MAPKBP1: variants seen among roughly 807,000 people sequenced by gnomAD.
MAPKBP1 encodes the protein mitogen-activated protein kinase binding protein 1.
MAPKBP1 carries 71 observed loss-of-function variants against 170.5 expected under a neutral mutation model. The ratio of observed to expected loss-of-function variants is 0.42; its 90% CI spans 0.34 to 0.51. MAPKBP1 has a LOEUF of 0.51. Among genes scored for constraint, MAPKBP1 ranks in the 20% least tolerant of loss-of-function variants. MAPKBP1 has a pLI of 0.06. For missense variants in MAPKBP1, 1,598 were observed against 1,933.0 expected, an observed-to-expected ratio of 0.83 and a Z score of 3.25; for synonymous variants, 719 against 757.9, an observed-to-expected ratio of 0.95 and a Z score of 0.84.
chr15:41,823,143 G>C lies in MAPKBP1; in HGVS notation c.3519G>C (p.Trp1173Cys), dbSNP rs1188607785. ...GCCGTCTCAACCCTGACAGCAGCTG[G>C]GCTCCCAAGAGAGTGGCCACAGCCA... ...PRCRLNPDSS[W>C]APKRVATASP... Residue 1173 changes from tryptophan (W) to cysteine (C), a missense_variant, in exon 28 of 31, where the codon TGG becomes TGC. Physicochemically the swap from Trp to Cys is radical, Grantham distance 215. Around this residue, in one of 6 missense-constraint regions of MAPKBP1, gnomAD observed 942 missense variants for 953.2 expected, o/e 0.99. Coordinates refer to ENST00000457542, the MANE Select transcript of MAPKBP1 (RefSeq NM_014994.3). 3.1e-6 allele frequency: 5 copies of C among 1,613,568 alleles called. No individual in the cohort carries two copies. The Admixed American group carries it at 6.7e-5, about 22-fold the overall frequency.
chr15:41,815,851 G>T, intron 12 of MAPKBP1, 52 bp downstream of exon 12: 1 of 1,555,042 alleles, frequency 6.4e-7, no homozygotes, highest in Non-Finnish European at 8.8e-7. Context: ...TGCAGAGTTG[G>T]GTATTTAGAA....
intron 3 of MAPKBP1, among the ~76,000 whole-genome samples, chr15:41,810,325 C>T (rs2064779661): frequency 6.6e-6 from 1 of 152,090 alleles, no homozygotes; most frequent in South Asian, 2.1e-4. Flanking sequence ...AGGGGCCTGG[C>T]TGGGGGGACA....
chr15:41,827,299 C>CAA lies in MAPKBP1; in HGVS notation c.*1874_*1875dup, dbSNP rs11449239. On this transcript the variant is annotated 3_prime_UTR_variant, in exon 31 of 31. Transcript: ENST00000457542. ...TAGGTGACAAAGCTACACGCCATCT[C>CAA]AAAAAAAAAAAAGAAAAAGGGTTAC... is the stretch of plus-strand genomic sequence containing the variant. 73 of 142,664 alleles carry CAA rather than the reference C, an allele frequency of 5.1e-4. No homozygotes were observed. Among genetic ancestry groups the CAA allele is most frequent in the Middle Eastern group, 3.6e-3 (1 of 276 alleles). 8.8% of individuals were successfully genotyped at this position (142,664 alleles called of 1,614,324 possible).
In MAPKBP1 at chr15:41,821,077, G is replaced by C. The variant is rs912397899; in HGVS notation, c.2718+9G>C. On this transcript the variant is annotated intron_variant, in intron 23 of 30. Coordinates refer to ENST00000457542, the MANE Select transcript of MAPKBP1 (RefSeq NM_014994.3). ...CTTCACTCACTAGCCAGGTGAGCCT[G>C]CTTTCTCCCAGCTCTCTAGAGAGTT... 4 of 1,612,558 alleles carry C rather than the reference G, an allele frequency of 2.5e-6. No homozygotes were observed. The African/African-American group carries it at 5.3e-5, about 22-fold the overall frequency.
chr15:41,806,814 C>T (rs2064704798), intron 3 of MAPKBP1, among the ~76,000 whole-genome samples: 1 of 152,170 alleles, frequency 6.6e-6, no homozygotes. Context: ...CTGTGCCCCG[C>T]ACTCCTCTCC....
intron 2 of MAPKBP1, among the ~76,000 whole-genome samples, chr15:41,777,708 C>G (rs2064121166): frequency 6.6e-6 from 1 of 152,212 alleles, no homozygotes; most frequent in Non-Finnish European, 1.5e-5. Context: ...TGAGATTATT[C>G]TAAAAGCCTG....
At chr15:41,821,810 T>G in intron 24 of MAPKBP1, 60 bp downstream of exon 24, 1 of 1,601,032 alleles carries the variant, frequency 6.2e-7, no homozygotes, top group Non-Finnish European at 8.5e-7. Flanking sequence ...ATGAGTGTTC[T>G]TTAGTCGAGG....
At chr15:41,814,446 G>A in intron 9 of MAPKBP1, 104 bp from the exon 10 acceptor site, 1 of 1,138,860 alleles carries the variant, frequency 8.8e-7, no homozygotes. Flanking sequence ...TTCCAAACCT[G>A]CAGGTCCAGG....
rs767916656 is a variant in MAPKBP1, at chr15:41,811,187, C to T, written c.279C>T (p.Ile93=). ...GCCCCATCTCTTGCAGGAAAACCAT[C>T]ACTGCCCTTGCCTTCTCCCCTGATG... is the stretch of plus-strand genomic sequence containing the variant. ...HHILNSSRKT[I]TALAFSPDGK... The change falls in exon 5 of 31, where the codon ATC becomes ATT. Residue 93 remains isoleucine (I), a synonymous_variant. Transcript: ENST00000457542. 3.1e-6 allele frequency: 5 copies of T among 1,614,240 alleles called. No individual in the cohort carries two copies. The South Asian group carries it at 5.5e-5, about 18-fold the overall frequency.
At chr15:41,823,282 T>G in intron 28 of MAPKBP1, 60 bp downstream of exon 28, 3 of 1,574,574 alleles carry the variant, frequency 1.9e-6, no homozygotes, top group Non-Finnish European at 1.7e-6. Context: ...ATGTACATGC[T>G]GGAGGAGGGA....
In MAPKBP1 at chr15:41,823,518, G is replaced by A; in HGVS notation, c.3670G>A (p.Gly1224Ser). 2 of 1,614,142 alleles carry A rather than the reference G, an allele frequency of 1.2e-6. No homozygotes were observed. Among genetic ancestry groups the A allele is most frequent in the South Asian group, 1.1e-5 (1 of 91,088 alleles). The part of the protein sequence containing the change: ...LLSREIEAQD[G>S]LGSLPPADGR... ...GTCTCGGGAGATCGAAGCTCAGGAT[G>A]GTCTGGGCTCCCTGCCCCCAGCTGA... Residue 1224 changes from glycine (G) to serine (S), a missense_variant, in exon 29 of 31, where the codon GGT becomes AGT. Physicochemically the swap from Gly to Ser is moderately conservative, Grantham distance 56. Around this residue, in one of 6 missense-constraint regions of MAPKBP1, gnomAD observed 942 missense variants for 953.2 expected, o/e 0.99. Coordinates refer to ENST00000457542, the MANE Select transcript of MAPKBP1 (RefSeq NM_014994.3).
At chr15:41,799,747 G>C in intron 2 of MAPKBP1, 76 bp from the exon 3 acceptor site, 1 of 1,156,482 alleles carries the variant, frequency 8.6e-7, no homozygotes, top group Non-Finnish European at 1.3e-6. Context: ...GCCTCAGGAT[G>C]GTCCCAAGTA....
chr15:41,782,483 A>T (rs569741659), intron 2 of MAPKBP1, among the ~76,000 whole-genome samples: 2 of 152,284 alleles, frequency 1.3e-5, no homozygotes, highest in African/African-American at 4.8e-5. Context: ...TTTTACATAT[A>T]CTATCTTATT....
chr15:41,796,607 C>A (rs187852315), intron 2 of MAPKBP1, among the ~76,000 whole-genome samples: 4 of 152,138 alleles, frequency 2.6e-5, no homozygotes, highest in Admixed American at 2.6e-4. Context: ...ACTGCTTTTC[C>A]CCCCCCTTGG....
chr15:41,816,483 A>G, intron 12 of MAPKBP1, 76 bp from the exon 13 acceptor site: 1 of 978,310 alleles, frequency 1.0e-6, no homozygotes, highest in South Asian at 1.3e-5. Context: ...GGAGGAGAAA[A>G]TGTAGCAGAG....
intron 30 of MAPKBP1, 56 bp from the exon 31 acceptor site, chr15:41,825,153 C>G: frequency 6.9e-7 from 1 of 1,459,420 alleles, no homozygotes; most frequent in South Asian, 1.4e-5. Flanking sequence ...GGGCCCCTCC[C>G]TTTTATATGT....
At position 41,822,237 on chromosome 15, in the gene MAPKBP1, C is replaced by A. The variant is rs147890629; in HGVS notation, c.3044C>A (p.Thr1015Lys). ...PEHPTEDSES[T>K]EPLSVDGISS... ...TCCCCACACCCAGACTCTGAGAGCA[C>A]GGAGCCCCTCAGTGTGGATGGCATC... The change falls in exon 26 of 31, where the codon ACG (threonine) becomes AAG (lysine). Residue 1015 changes from threonine to lysine, a missense_variant. Thr to Lys is a moderately conservative substitution (Grantham distance 78). Around this residue, in one of 6 missense-constraint regions of MAPKBP1, gnomAD observed 942 missense variants for 953.2 expected, o/e 0.99. Transcript: ENST00000457542. The A allele has an allele frequency of 6.2e-6, 10 of 1,612,710 alleles. No homozygotes were observed. The highest frequency in any genetic ancestry group is 8.5e-6 in the Non-Finnish European group (10 of 1,179,146).
chr15:41,819,523 G>T lies in MAPKBP1; in HGVS notation c.2426-72G>T, dbSNP rs2064950326. 4.6e-6 allele frequency: 7 copies of T among 1,530,814 alleles called. No individual in the cohort carries two copies. In the African/African-American group the frequency reaches 8.9e-5, roughly 19 times the overall value. The allele number at this position is 1,530,814 out of a possible 1,614,324, so 94.8% of individuals were successfully genotyped here. ...GGCCACACAGGGTATGGGCTGATGG[G>T]GCCAGGGCTCCAGGGTTGGGTGGCG... On this transcript the variant is annotated intron_variant, in intron 21 of 30. Transcript: ENST00000457542.
chr15:41,822,873 T>C, intron 27 of MAPKBP1, 66 bp from the exon 28 acceptor site: 1 of 1,542,996 alleles, frequency 6.5e-7, no homozygotes, highest in Admixed American at 1.8e-5. Context: ...TATGAGTTTC[T>C]CGCCATTTTG....
Sources: allele counts gnomAD v4.1 joint callset (sites outside exome capture counted in the v4.1 genomes callset), GRCh38; gene constraint gnomAD v4.1.1; regional missense constraint gnomAD v4.1.1; transcripts MANE v1.5; gene names NCBI Gene and HGNC (gene_info 2026-07-23, HGNC 2026-07-21).